Variants in MCPH1 observed in about 807,000 individuals in gnomAD.
MCPH1 encodes the protein microcephalin 1.
A neutral mutation model predicts 84.5 loss-of-function variants in MCPH1; 104 were observed. The observed-to-expected ratio is 1.23, with a 90% CI of 1.05 to 1.45. MCPH1 has a LOEUF of 1.45. MCPH1 is among the 40% of genes most tolerant of loss of function. MCPH1 has a pLI of 0.00. For synonymous variants in MCPH1, 514 were observed against 366.8 expected (o/e 1.40, Z -4.58); for missense variants, 1,498 against 1,005.7 (o/e 1.49, Z -6.62).
intron 13 of MCPH1, among the ~76,000 whole-genome samples, chr8:6,635,855 G>C (rs1355738399): frequency 2.0e-5 from 3 of 152,238 alleles, no homozygotes; most frequent in Non-Finnish European, 2.9e-5. Flanking sequence ...TGGGAGAGCA[G>C]AGGCCTGCTG....
intron 11 of MCPH1, among the ~76,000 whole-genome samples, chr8:6,483,932 A>G (rs909064027): frequency 3.3e-5 from 5 of 152,216 alleles, no homozygotes; most frequent in Admixed American, 2.6e-4. Context: ...ACGAGCCACA[A>G]AAATTACCTC....
Position 6,409,314 on chromosome 8 carries a change from G to C in MCPH1, c.58G>C (p.Gly20Arg). ...VAYVEVWSSN[G>R]TENYSKTFTT... ...CTATGTTGAAGTGTGGTCATCCAAT[G>C]GAACAGAAAATTATTCAAAGACATT... is the stretch of plus-strand genomic sequence containing the variant. Residue 20 changes from glycine (G) to arginine (R), a missense_variant, in exon 2 of 14, where the codon GGA (glycine) becomes CGA (arginine). Transcript: ENST00000344683. The C allele has an allele frequency of 6.2e-7, 1 of 1,614,102 alleles. No individual in the cohort carries two copies. The highest frequency in any genetic ancestry group is 1.3e-5 in the African/African-American group (1 of 75,042).
intron 8 of MCPH1, among the ~76,000 whole-genome samples, chr8:6,451,682 A>G (rs1184281491): frequency 6.6e-6 from 1 of 151,936 alleles, no homozygotes; most frequent in African/African-American, 2.4e-5. Flanking sequence ...CATATATACC[A>G]AAGGTATCTC....
At chr8:6,451,758 T>C (rs1461757403) in intron 8 of MCPH1, among the ~76,000 whole-genome samples, 1 of 152,198 alleles carries the variant, frequency 6.6e-6, no homozygotes, top group Non-Finnish European at 1.5e-5. Flanking sequence ...GCATACTACA[T>C]TGTAAAATAA....
chr8:6,487,068 C>A (rs897887635), intron 11 of MCPH1, among the ~76,000 whole-genome samples: 1 of 152,172 alleles, frequency 6.6e-6, no homozygotes, highest in Non-Finnish European at 1.5e-5. Flanking sequence ...AATAACTCAG[C>A]CTGTATTCAG....
At chr8:6,555,178 T>C (rs975154779) in intron 12 of MCPH1, among the ~76,000 whole-genome samples, 3 of 152,178 alleles carry the variant, frequency 2.0e-5, no homozygotes, top group Non-Finnish European at 4.4e-5. Flanking sequence ...AGCATTAACA[T>C]AATCCAAGTG....
intron 12 of MCPH1, among the ~76,000 whole-genome samples, chr8:6,520,674 G>T (rs546136244): frequency 6.6e-6 from 1 of 152,258 alleles, no homozygotes; most frequent in South Asian, 2.1e-4. Context: ...GCAATTAGAG[G>T]CGTGATCCAC....
At chr8:6,523,876 C>T (rs916086030) in intron 12 of MCPH1, among the ~76,000 whole-genome samples, 3 of 147,098 alleles carry the variant, frequency 2.0e-5, no homozygotes, top group Non-Finnish European at 4.4e-5. Flanking sequence ...CATGAGCCAC[C>T]GTGCCTGGCT....
chr8:6,593,910 C>T lies in MCPH1; in HGVS notation c.2215-27544C>T, dbSNP rs1828714261. 3.3e-5 allele frequency among the ~76,000 whole-genome samples: 5 copies of T among 152,322 alleles called. No homozygotes were observed. The South Asian group carries it at 1.0e-3, about 32-fold the overall frequency. ...CTTATGCAAAAGTGGCCGTCCCTCC[C>T]ATCAGAAGGACCCCCGCTGGCACTC... On this transcript the variant is annotated intron_variant, in intron 12 of 13. Coordinates refer to ENST00000344683, the MANE Select transcript of MCPH1 (RefSeq NM_024596.5).
At chr8:6,562,968 A>C (rs777398738) in intron 12 of MCPH1, 13 of 1,550,262 alleles carry the variant, frequency 8.4e-6, no homozygotes, top group African/African-American at 1.4e-5. Context: ...AGCTTAGCAA[A>C]CTTGAGGGCA....
At chr8:6,420,796 T>C (rs993292461) in intron 3 of MCPH1, among the ~76,000 whole-genome samples, 2 of 152,190 alleles carry the variant, frequency 1.3e-5, no homozygotes, top group Non-Finnish European at 2.9e-5. Flanking sequence ...GGTATCCAAG[T>C]TACCGGCAGC....
intron 9 of MCPH1, among the ~76,000 whole-genome samples, chr8:6,468,887 G>C (rs1807341099): frequency 1.3e-5 from 2 of 152,228 alleles, no homozygotes; most frequent in Admixed American, 1.3e-4. Context: ...TTTTGAAACT[G>C]TTACTATAAG....
chr8:6,507,312 G>A (rs897975135), intron 12 of MCPH1, among the ~76,000 whole-genome samples: 1 of 152,084 alleles, frequency 6.6e-6, no homozygotes, highest in Non-Finnish European at 1.5e-5. Context: ...TGGTTTTCCT[G>A]GGTGGGTAAC....
At position 6,502,979 on chromosome 8, in the gene MCPH1, T is replaced by G. The variant is rs545691477; in HGVS notation, c.2214+3050T>G. 5 of 1,193,004 alleles carry G rather than the reference T, an allele frequency of 4.2e-6. No homozygotes were observed. In the South Asian group the frequency reaches 7.4e-5, roughly 18 times the overall value. The allele number at this position is 1,193,004 out of a possible 1,614,324, so 73.9% of individuals were successfully genotyped here. On this transcript the variant is annotated intron_variant, in intron 12 of 13. Transcript: ENST00000344683. ...TCTAATCTGGAGCATGTGGGTCCCG[T>G]CAGCACCGAGCACACGCCCTCTGTG...
chr8:6,523,085 C>T (rs753345553), intron 12 of MCPH1, among the ~76,000 whole-genome samples: 16 of 151,954 alleles, frequency 1.1e-4, no homozygotes, highest in Admixed American at 3.9e-4. Flanking sequence ...GCAACCTTCA[C>T]CTCCCAGGTT....
At chr8:6,407,070 C>G (rs1014518056) in intron 1 of MCPH1, 3 of 342,436 alleles carry the variant, frequency 8.8e-6, no homozygotes, top group Non-Finnish European at 1.7e-5. Flanking sequence ...CAAATCCCGC[C>G]TTTCCCCCTA....
chr8:6,433,795 A>G (rs1802215359), intron 4 of MCPH1, among the ~76,000 whole-genome samples: 2 of 151,960 alleles, frequency 1.3e-5, no homozygotes, highest in Admixed American at 6.6e-5. Context: ...TCTCTTTTCC[A>G]AATGTAATTG....
At chr8:6,489,345 G>C (rs1056454371) in intron 11 of MCPH1, among the ~76,000 whole-genome samples, 1 of 152,046 alleles carries the variant, frequency 6.6e-6, no homozygotes, top group Admixed American at 6.5e-5. Flanking sequence ...GGAACGGCTA[G>C]CTAGCAACCT....
chr8:6,439,928 A>G lies in MCPH1; in HGVS notation c.580+832A>G, dbSNP rs539665802. ...GTATTTTAAGTTTAAGTGTTTTTCCAGATCTGTTTCAGTGTATCAGATATC... is the reference window on the plus strand; with the variant it reads ...GTATTTTAAGTTTAAGTGTTTTTCCGGATCTGTTTCAGTGTATCAGATATC... On this transcript the variant is annotated intron_variant, in intron 6 of 13. Coordinates refer to ENST00000344683, the MANE Select transcript of MCPH1 (RefSeq NM_024596.5). 1.2e-4 allele frequency among the ~76,000 whole-genome samples: 19 copies of G among 152,298 alleles called. No individual in the cohort carries two copies. In the South Asian group the frequency reaches 3.7e-3, roughly 30 times the overall value.
Sources: gnomAD v4.1 joint callset for allele counts (sites outside exome capture counted in the v4.1 genomes callset) on GRCh38, gnomAD v4.1.1 for gene constraint, MANE v1.5 for transcripts, NCBI Gene and HGNC (gene_info 2026-07-23, HGNC 2026-07-21) for gene names.